Variants in ACER3 observed in about 807,000 individuals in gnomAD.
ACER3 encodes alkaline ceramidase 3, also known as alkCDase 3.
A neutral mutation model predicts 48.9 loss-of-function variants in ACER3; 16 were observed. The observed-to-expected ratio is 0.33, with a 90% CI of 0.22 to 0.50. ACER3 has a LOEUF of 0.50. Among genes scored for constraint, ACER3 ranks in the 20% least tolerant of loss-of-function variants. The pLI is 0.98. For missense variants in ACER3, 227 were observed against 326.0 expected (o/e 0.70, Z 2.34); for synonymous variants, 109 against 107.8 (o/e 1.01, Z -0.07).
rs1949489388 is a variant in ACER3 at position 77,022,668 on chromosome 11, C to A, written c.*2341C>A. The A allele has an allele frequency of 6.5e-6, 1 of 153,522 alleles. No homozygotes were observed. Among genetic ancestry groups the A allele is most frequent in the Non-Finnish European group, 1.4e-5 (1 of 69,078 alleles). 9.5% of individuals were successfully genotyped at this position (153,522 alleles called of 1,614,324 possible). On this transcript the variant is annotated 3_prime_UTR_variant, in exon 11 of 11. Coordinates refer to ENST00000532485, the MANE Select transcript of ACER3 (RefSeq NM_018367.7). ...CATTACAGAGTTGAATTCCTCACTA[C>A]CCCCTCCCGCTGTCATTTGTTTTAT...
intron 1 of ACER3, 92 bp from the exon 2 acceptor site, chr11:76,926,465 T>G: frequency 1.5e-6 from 1 of 659,130 alleles, no homozygotes; most frequent in Non-Finnish European, 2.5e-6. Context: ...GAGAAGTTAC[T>G]TGTGTAATTG....
intron 9 of ACER3, among the ~76,000 whole-genome samples, chr11:77,019,114 A>G (rs1035089474): frequency 5.3e-5 from 8 of 152,226 alleles, no homozygotes; most frequent in African/African-American, 1.9e-4. Context: ...GATGACCTTA[A>G]GTTGAAGTCA....
intron 1 of ACER3, among the ~76,000 whole-genome samples, chr11:76,911,524 A>G (rs1946378265): frequency 6.6e-6 from 1 of 152,088 alleles, no homozygotes; most frequent in South Asian, 2.1e-4. Context: ...TTGTTCCGTG[A>G]TTATGAATGC....
chr11:76,946,621 C>A (rs1409263938), intron 2 of ACER3, among the ~76,000 whole-genome samples: 3 of 152,180 alleles, frequency 2.0e-5, no homozygotes, highest in Non-Finnish European at 4.4e-5. Flanking sequence ...CCACCTGCAT[C>A]TCAGTCTCAA....
chr11:76,934,398 A>G (rs1056779497), intron 2 of ACER3, among the ~76,000 whole-genome samples: 4 of 152,200 alleles, frequency 2.6e-5, no homozygotes, highest in African/African-American at 9.6e-5. Flanking sequence ...CCTGGGCACC[A>G]TTGAGCACTG....
rs1257477057 is a variant in ACER3, at chr11:76,872,907, T to TTTC, written c.103+11830_103+11831insCTT. Among the ~76,000 whole-genome samples the TTTC allele has an allele frequency of 4.0e-4, 33 of 82,126 alleles. 1 individual carries two copies. The highest frequency in any genetic ancestry group is 1.1e-3 in the African/African-American group (31 of 27,624). 53.9% of individuals were successfully genotyped at this position (82,126 alleles called of 152,430 possible). A position where few individuals can be genotyped will look rare whatever the true frequency, so the allele number is the denominator to read the frequency against. On this transcript the variant is annotated intron_variant, in intron 1 of 10. Coordinates refer to ENST00000532485, the MANE Select transcript of ACER3 (RefSeq NM_018367.7). ...TTTTCTTTCTTTCTTTCTTTTTTCTTTTTCTTTTTTTTTTTTTTTTTTGAG... is the reference window on the plus strand; with the variant it reads ...TTTTCTTTCTTTCTTTCTTTTTTCTTTTCTTTCTTTTTTTTTTTTTTTTTTGAG...
At chr11:77,019,577 CA>C (rs139326673) in intron 9 of ACER3, 153 bp from the exon 10 acceptor site, 1,039 of 577,536 alleles carry the variant, frequency 1.8e-3, no homozygotes, top group African/African-American at 3.4e-3. Context: ...AGTAGATGCT[CA>C]AAAAAAAAAC....
At chr11:76,934,420 C>T (rs1413523150) in intron 2 of ACER3, among the ~76,000 whole-genome samples, 1 of 152,248 alleles carries the variant, frequency 6.6e-6, no homozygotes, top group Non-Finnish European at 1.5e-5. Flanking sequence ...GTGAACGAGA[C>T]TCCGTCTGCA....
At chr11:76,925,121 T>C (rs1000345144) in intron 1 of ACER3, among the ~76,000 whole-genome samples, 4 of 151,982 alleles carry the variant, frequency 2.6e-5, no homozygotes, top group South Asian at 2.1e-4. Flanking sequence ...ATACATTTCA[T>C]AGGAGAAGAA....
chr11:76,994,918 C>A (rs1948881567), intron 6 of ACER3, among the ~76,000 whole-genome samples: 1 of 151,918 alleles, frequency 6.6e-6, no homozygotes, highest in African/African-American at 2.4e-5. Context: ...TGCAGTATGA[C>A]CAAATCAGAT....
intron 2 of ACER3, among the ~76,000 whole-genome samples, chr11:76,939,038 C>CT: frequency 6.7e-6 from 1 of 150,070 alleles, no homozygotes; most frequent in Non-Finnish European, 1.5e-5. Flanking sequence ...ACAATCTGAA[C>CT]TTAATAATCT....
Position 77,015,052 on chromosome 11 carries a change from A to C in ACER3, c.534A>C (p.Ser178=). The change falls in exon 8 of 11, where the codon TCA becomes TCC. Residue 178 remains serine, a synonymous_variant. Coordinates refer to ENST00000532485, the MANE Select transcript of ACER3 (RefSeq NM_018367.7). ...YPWLRGLGYT[S]LGIFLLGFLF... The stretch of plus-strand genomic sequence containing the variant: ...GGCTTAGAGGACTGGGTTATACATC[A>C]TTGGGTATATTTTTATTGGGATTTT... The C allele has an allele frequency of 6.2e-7, 1 of 1,602,060 alleles. No individual in the cohort carries two copies. The highest frequency in any genetic ancestry group is 1.1e-5 in the South Asian group (1 of 90,716).
At chr11:76,894,887 A>G (rs1265015095) in intron 1 of ACER3, among the ~76,000 whole-genome samples, 1 of 152,228 alleles carries the variant, frequency 6.6e-6, no homozygotes, top group Non-Finnish European at 1.5e-5. Flanking sequence ...CTTAATCTGC[A>G]TGGAGGCCTG....
chr11:76,969,951 TAAAA>T (rs944813043), intron 3 of ACER3, among the ~76,000 whole-genome samples: 1 of 94,926 alleles, frequency 1.1e-5, no homozygotes, highest in African/African-American at 2.6e-5. Flanking sequence ...ATAATAATAA[TAAAA>T]TTAAAAAAAA....
intron 1 of ACER3, among the ~76,000 whole-genome samples, chr11:76,916,703 T>C (rs1018516151): frequency 6.6e-6 from 1 of 152,224 alleles, no homozygotes; most frequent in Non-Finnish European, 1.5e-5. Flanking sequence ...TAATGCCTCT[T>C]CATTACTGAA....
intron 6 of ACER3, among the ~76,000 whole-genome samples, chr11:76,995,125 T>C (rs1948886173): frequency 6.6e-6 from 1 of 152,158 alleles, no homozygotes; most frequent in Non-Finnish European, 1.5e-5. Flanking sequence ...ACATACATGC[T>C]AGAAGGTGAT....
At chr11:76,972,054 A>G (rs1042536372) in intron 3 of ACER3, among the ~76,000 whole-genome samples, 3 of 152,342 alleles carry the variant, frequency 2.0e-5, no homozygotes, top group Admixed American at 6.5e-5. Flanking sequence ...CCTGAAATAT[A>G]TCAAAGAAAT....
chr11:77,002,251 T>C (rs1441930198), intron 7 of ACER3, among the ~76,000 whole-genome samples: 2 of 152,214 alleles, frequency 1.3e-5, no homozygotes, highest in African/African-American at 4.8e-5. Context: ...TTTATTTTTA[T>C]CATAACTTTT....
At chr11:76,967,742 C>T (rs1948176824) in intron 3 of ACER3, among the ~76,000 whole-genome samples, 1 of 152,202 alleles carries the variant, frequency 6.6e-6, no homozygotes, top group East Asian at 1.9e-4. Context: ...AATTCAACAG[C>T]CCTTCGTGCT....
Sources: gnomAD v4.1 joint callset for allele counts (sites outside exome capture counted in the v4.1 genomes callset) on GRCh38, gnomAD v4.1.1 for gene constraint, MANE v1.5 for transcripts, NCBI Gene and HGNC (gene_info 2026-07-23, HGNC 2026-07-21) for gene names.